MSI2: variants seen among roughly 807,000 people sequenced by gnomAD.
MSI2 encodes RNA-binding protein Musashi homolog 2.
A neutral mutation model predicts 45.6 loss-of-function variants in MSI2; 17 were observed. That is an observed-to-expected ratio of 0.37 (90% CI 0.26 to 0.56). MSI2 has a LOEUF of 0.56. MSI2 is among the 20% of genes least tolerant of loss of function. The pLI, the probability that MSI2 is intolerant of heterozygous loss-of-function variation, is 0.77. For missense variants in MSI2, 293 were observed against 444.2 expected (o/e 0.66, Z 3.06); for synonymous variants, 156 against 158.2 (o/e 0.99, Z 0.11).
intron 7 of MSI2, among the ~76,000 whole-genome samples, chr17:57,534,111 G>A (rs1157516550): frequency 6.6e-6 from 1 of 152,248 alleles, no homozygotes; most frequent in East Asian, 1.9e-4. Flanking sequence ...ATGACAGACA[G>A]CCATAGGTGA....
chr17:57,668,263 C>A (rs900748102), intron 11 of MSI2, among the ~76,000 whole-genome samples: 2 of 152,050 alleles, frequency 1.3e-5, no homozygotes, highest in Non-Finnish European at 2.9e-5. Context: ...TACACCAATC[C>A]GAATGGTAGT....
At chr17:57,418,576 C>A (rs2084338251) in intron 6 of MSI2, among the ~76,000 whole-genome samples, 1 of 152,180 alleles carries the variant, frequency 6.6e-6, no homozygotes, top group South Asian at 2.1e-4. Context: ...GTGGGGTGCT[C>A]TTGCTCAAGG....
intron 11 of MSI2, among the ~76,000 whole-genome samples, chr17:57,657,063 G>A (rs182532976): frequency 1.3e-5 from 2 of 152,322 alleles, no homozygotes; most frequent in East Asian, 3.9e-4. Flanking sequence ...AACCTTCAGG[G>A]TGCAAGTTAT....
chr17:57,603,269 A>G (rs567650817), intron 8 of MSI2, among the ~76,000 whole-genome samples: 2 of 152,312 alleles, frequency 1.3e-5, no homozygotes, highest in African/African-American at 2.4e-5. Flanking sequence ...CACGTGAGGC[A>G]TGCATCTCTT....
At position 57,584,581 on chromosome 17, in the gene MSI2, C is replaced by T. The variant is rs564068463; in HGVS notation, c.455-12287C>T. On this transcript the variant is annotated intron_variant, in intron 7 of 13. Transcript: ENST00000284073. Reference sequence around the variant, plus strand: ...ATAAAAGTCATATAATTTGTGGCAGCGCTGAAAACCTGCTCCAAGTAGTGG... The same window carrying T: ...ATAAAAGTCATATAATTTGTGGCAGTGCTGAAAACCTGCTCCAAGTAGTGG... 5.9e-5 allele frequency among the ~76,000 whole-genome samples: 9 copies of T among 152,264 alleles called. 1 individual carries two copies. In the South Asian group the frequency reaches 8.3e-4, roughly 14 times the overall value.
At chr17:57,483,442 A>T (rs1238672174) in intron 6 of MSI2, among the ~76,000 whole-genome samples, 1 of 152,148 alleles carries the variant, frequency 6.6e-6, no homozygotes, top group East Asian at 1.9e-4. Flanking sequence ...AACACAAATG[A>T]CTGGCGCCCC....
chr17:57,551,824 T>G (rs1336733740), intron 7 of MSI2, among the ~76,000 whole-genome samples: 1 of 152,166 alleles, frequency 6.6e-6, no homozygotes, highest in East Asian at 1.9e-4. Flanking sequence ...CGTCCATTGC[T>G]TGGGGCAAGG....
At chr17:57,437,269 C>T (rs1239947821) in intron 6 of MSI2, among the ~76,000 whole-genome samples, 4 of 152,144 alleles carry the variant, frequency 2.6e-5, no homozygotes, top group Non-Finnish European at 5.9e-5. Context: ...TGTAAGACAC[C>T]TCCAATCCCT....
chr17:57,447,291 A>G (rs1252382523), intron 6 of MSI2, among the ~76,000 whole-genome samples: 3 of 152,036 alleles, frequency 2.0e-5, no homozygotes, highest in Non-Finnish European at 2.9e-5. Flanking sequence ...TTTTGTAGGT[A>G]TGATACCTCC....
chr17:57,274,896 G>GA (rs1434092122), intron 5 of MSI2, among the ~76,000 whole-genome samples: 6 of 152,166 alleles, frequency 3.9e-5, no homozygotes, highest in Admixed American at 3.3e-4. Context: ...AAAAAAAGGG[G>GA]AATAGTAGGG....
At chr17:57,578,426 G>A (rs1598417677) in intron 7 of MSI2, among the ~76,000 whole-genome samples, 2 of 152,086 alleles carry the variant, frequency 1.3e-5, no homozygotes, top group Admixed American at 1.3e-4. Flanking sequence ...TGAAGGAGCT[G>A]CAAAGACAGT....
chr17:57,264,467 C>A (rs543134951), intron 5 of MSI2: 1 of 152,168 alleles, frequency 6.6e-6, no homozygotes, highest in Non-Finnish European at 1.5e-5. Flanking sequence ...CCCACCTCTG[C>A]CCCCCAGAGT....
chr17:57,582,206 T>C (rs1003763415), intron 7 of MSI2, among the ~76,000 whole-genome samples: 3 of 152,148 alleles, frequency 2.0e-5, no homozygotes, highest in Admixed American at 1.3e-4. Flanking sequence ...AGAGGCAACT[T>C]CAGAACCAGA....
rs558113296 is a variant in MSI2, at chr17:57,333,441, GT to G, written c.313-67924del. ...ACTTTTCCCTGCTGTGATTTGTACC[GT>G]TTTTTTTTTTTTTGAGACAGAGTCT... On this transcript the variant is annotated intron_variant, in intron 5 of 13. Coordinates refer to ENST00000284073, the MANE Select transcript of MSI2 (RefSeq NM_138962.4). 1.0e-3 allele frequency among the ~76,000 whole-genome samples: 142 copies of G among 141,314 alleles called. 1 individual carries two copies. Among genetic ancestry groups the G allele is most frequent in the Admixed American group, 2.2e-3 (31 of 14,112 alleles). 92.7% of individuals were successfully genotyped at this position (141,314 alleles called of 152,430 possible).
intron 5 of MSI2, among the ~76,000 whole-genome samples, chr17:57,302,780 G>A (rs1410015448): frequency 6.6e-6 from 1 of 152,174 alleles, no homozygotes. Context: ...CTTTTGAGGG[G>A]AGCATTTTAT....
intron 5 of MSI2, among the ~76,000 whole-genome samples, chr17:57,270,680 G>A (rs552164952): frequency 4.9e-4 from 75 of 152,312 alleles, no homozygotes; most frequent in African/African-American, 1.8e-3. Flanking sequence ...ATTGCTAAGG[G>A]TAAGATGGAC....
At chr17:57,539,184 ATT>A (rs11432676) in intron 7 of MSI2, among the ~76,000 whole-genome samples, 315 of 143,472 alleles carry the variant, frequency 2.2e-3, no homozygotes, top group African/African-American at 7.3e-3. Flanking sequence ...TACTTTTTGA[ATT>A]TTTTTTTTTT....
chr17:57,627,218 T>C lies in MSI2; in HGVS notation c.653-11T>C. 6.2e-7 allele frequency: 1 copy of C among 1,614,040 alleles called. No homozygotes were observed. The highest frequency in any genetic ancestry group is 1.1e-5 in the South Asian group (1 of 91,084). ...ACTAACAGGACTCTGATCTTTCTCT[T>C]TGTGTTCAAGGATATCCCAACTTCG... On this transcript the variant is annotated splice_polypyrimidine_tract_variant and intron_variant, in intron 9 of 13. Coordinates refer to ENST00000284073, the MANE Select transcript of MSI2 (RefSeq NM_138962.4). The surrounding 1 kb of genome is among the most constrained non-coding windows in gnomAD (Gnocchi z 4.6).
Position 57,257,467 on chromosome 17 carries a change from T to G in MSI2, c.105T>G (p.Asp35Glu), listed in dbSNP as rs200962907. 2.7e-6 allele frequency: 4 copies of G among 1,489,560 alleles called. No individual in the cohort carries two copies. Among genetic ancestry groups the G allele is most frequent in the Non-Finnish European group, 3.7e-6 (4 of 1,076,290 alleles). The allele number at this position is 1,489,560 out of a possible 1,614,324, so 92.3% of individuals were successfully genotyped here. A position where few individuals can be genotyped will look rare whatever the true frequency, so the allele number is the denominator to read the frequency against. The change falls in exon 3 of 14, where the codon GAT (aspartate) becomes GAG (glutamate). Residue 35 changes from aspartate (D) to glutamate (E), a missense_variant and splice_region_variant. By Grantham distance (45) the Asp-to-Glu change is conservative. Transcript: ENST00000284073. ...ATCTCTCTCTTTCTCTCTCTACAGATAGCCTTAGAGACTATTTTAGCAAAT... is the reference window on the plus strand; with the variant it reads ...ATCTCTCTCTTTCTCTCTCTACAGAGAGCCTTAGAGACTATTTTAGCAAAT... ...IGGLSWQTSP[D>E]SLRDYFSKFG...
Sources: gnomAD v4.1 joint callset for allele counts (sites outside exome capture counted in the v4.1 genomes callset) on GRCh38, gnomAD v4.1.1 for gene constraint, Gnocchi (gnomAD v3.1) non-coding constraint, MANE v1.5 for transcripts, NCBI Gene and HGNC (gene_info 2026-07-23, HGNC 2026-07-21) for gene names.